Variants in IQSEC1 observed in about 807,000 individuals in gnomAD.
IQSEC1 encodes IQ motif and SEC7 domain-containing protein 1.
In IQSEC1, 31 loss-of-function variants were observed where a neutral mutation model predicts 91.0. The observed-to-expected ratio is 0.34, with a 90% confidence interval of 0.26 to 0.46. The LOEUF (loss-of-function observed/expected upper bound fraction) is 0.46, where lower values mean the gene tolerates loss of function less well. Ranked by LOEUF, IQSEC1 falls within the 20% of genes least tolerant of loss-of-function variation. The pLI is 1.00. For missense variants in IQSEC1, 1,388 were observed against 1,575.6 expected (o/e 0.88, Z 2.02); for synonymous variants, 699 against 662.6 (o/e 1.05, Z -0.84).
At chr3:13,139,179 G>A (rs1706759711) in intron 2 of IQSEC1, among the ~76,000 whole-genome samples, 1 of 152,156 alleles carries the variant, frequency 6.6e-6, no homozygotes, top group Non-Finnish European at 1.5e-5. Context: ...GAAACTCAAG[G>A]GCCTCGTGGG....
intron 1 of IQSEC1, among the ~76,000 whole-genome samples, chr3:13,052,409 C>T (rs1047277739): frequency 1.3e-5 from 2 of 152,208 alleles, no homozygotes; most frequent in Admixed American, 6.5e-5. Context: ...CAGTGCTCCC[C>T]GGCGTGGCTG....
intron 1 of IQSEC1, chr3:13,015,495 G>A: frequency 1.1e-6 from 1 of 911,986 alleles, no homozygotes; most frequent in Non-Finnish European, 1.3e-6. Context: ...CACCACGGCA[G>A]GCTGCCCTGA....
At position 12,967,184 on chromosome 3, in the gene IQSEC1, G is replaced by A. The variant is rs973418368; in HGVS notation, c.24-25319C>T. On this transcript the variant is annotated intron_variant, in intron 1 of 13. Transcript: ENST00000613206. The surrounding 1 kb of genome is among the most constrained non-coding windows in gnomAD (Gnocchi z 5.9). Reference sequence around the variant, plus strand: ...CCAAGGGCGCGTCTCTCTCTCCCACGCACAAACTCGGGTCCTGTTTGCTCT... The same window carrying A: ...CCAAGGGCGCGTCTCTCTCTCCCACACACAAACTCGGGTCCTGTTTGCTCT... 6.6e-6 allele frequency among the ~76,000 whole-genome samples: 1 copy of A among 152,070 alleles called. No homozygotes were observed. The highest frequency in any genetic ancestry group is 6.5e-5 in the Admixed American group (1 of 15,276).
chr3:13,041,388 G>A (rs958660976), intron 1 of IQSEC1, among the ~76,000 whole-genome samples: 7 of 152,096 alleles, frequency 4.6e-5, no homozygotes, highest in African/African-American at 7.2e-5. Flanking sequence ...CTCCGTGCCC[G>A]CCCCCTTTGG....
intron 1 of IQSEC1, among the ~76,000 whole-genome samples, chr3:12,942,250 T>G (rs1013473905): frequency 6.6e-5 from 10 of 152,170 alleles, no homozygotes; most frequent in Admixed American, 3.3e-4. Flanking sequence ...AATTACTGAC[T>G]CAGCGAATTC....
chr3:13,011,273 C>T (rs1311467404), intron 1 of IQSEC1, among the ~76,000 whole-genome samples: 1 of 152,150 alleles, frequency 6.6e-6, no homozygotes, highest in Non-Finnish European at 1.5e-5. Flanking sequence ...TGAACCAAAC[C>T]GTTTCCCATT....
intron 2 of IQSEC1, among the ~76,000 whole-genome samples, chr3:13,097,595 C>T (rs1705987017): frequency 6.6e-6 from 1 of 152,224 alleles, no homozygotes; most frequent in African/African-American, 2.4e-5. Context: ...CTCCCAACTC[C>T]CGCACTCATG....
At chr3:12,982,396 TCA>T (rs1701508980) in intron 1 of IQSEC1, among the ~76,000 whole-genome samples, 1 of 152,220 alleles carries the variant, frequency 6.6e-6, no homozygotes, top group Non-Finnish European at 1.5e-5. Context: ...AGCAAAAGCC[TCA>T]GTCTATCCAC....
intron 2 of IQSEC1, among the ~76,000 whole-genome samples, chr3:13,117,623 A>G (rs1706358231): frequency 7.1e-6 from 1 of 140,186 alleles, no homozygotes; most frequent in South Asian, 2.5e-4. Context: ...GCAGTGGCTG[A>G]TGCCTATAAT....
At chr3:12,906,465 C>T (rs1046638464) in intron 12 of IQSEC1, among the ~76,000 whole-genome samples, 5 of 152,264 alleles carry the variant, frequency 3.3e-5, no homozygotes, top group African/African-American at 7.2e-5. Flanking sequence ...CCTGGGGCCT[C>T]GGCAGCTGCC....
At chr3:13,027,830 T>C (rs1195081703) in intron 1 of IQSEC1, among the ~76,000 whole-genome samples, 1 of 152,182 alleles carries the variant, frequency 6.6e-6, no homozygotes, top group Non-Finnish European at 1.5e-5. Flanking sequence ...GAATAAGGGC[T>C]CTGATTTTTC....
In IQSEC1 at chr3:12,941,846, T is replaced by C; in HGVS notation, c.43A>G (p.Ser15Gly). 6.2e-7 allele frequency: 1 copy of C among 1,603,222 alleles called. No individual in the cohort carries two copies. The highest frequency in any genetic ancestry group is 8.5e-7 in the Non-Finnish European group (1 of 1,175,488). The change falls in exon 2 of 14, where the codon AGC becomes GGC. Residue 15 changes from serine (S) to glycine (G), a missense_variant. Physicochemically the swap from Ser to Gly is moderately conservative, Grantham distance 56 (BLOSUM62 0). Around this residue, in one of 2 missense-constraint regions of IQSEC1, gnomAD observed 1,059 missense variants for 1,317.8 expected, o/e 0.80. Transcript: ENST00000613206. ...TCCAGGGATGTGCCAGTCTCACTGC[T>C]GGGGGCCTCGCCCTCGACGCTGCAG... ...RRYFVEGEAPSSETGTSLDSP... is the reference protein window; with the variant it reads ...RRYFVEGEAPGSETGTSLDSP...
At chr3:13,206,985 C>T (rs1409817803) in intron 1 of IQSEC1, among the ~76,000 whole-genome samples, 1 of 152,094 alleles carries the variant, frequency 6.6e-6, no homozygotes, top group African/African-American at 2.4e-5. Flanking sequence ...CAGCTCCCGG[C>T]ACCTCCCGCC....
chr3:13,107,117 GCA>G (rs1706164050), intron 2 of IQSEC1, among the ~76,000 whole-genome samples: 1 of 152,182 alleles, frequency 6.6e-6, no homozygotes, highest in Non-Finnish European at 1.5e-5. Flanking sequence ...TGTGGAGAAG[GCA>G]CAGAGTGGCT....
At chr3:13,113,085 G>T (rs1025159140) in intron 2 of IQSEC1, among the ~76,000 whole-genome samples, 1 of 152,230 alleles carries the variant, frequency 6.6e-6, no homozygotes, top group African/African-American at 2.4e-5. Flanking sequence ...CATGCCTGGT[G>T]TGGCAGGTGT....
intron 1 of IQSEC1, among the ~76,000 whole-genome samples, chr3:13,253,920 G>T (rs1399650220): frequency 2.0e-5 from 3 of 152,168 alleles, no homozygotes; most frequent in Admixed American, 2.0e-4. Flanking sequence ...ACAGGCCACC[G>T]ATGGAAGCTG....
At chr3:13,187,835 G>A (rs2125028339) in intron 1 of IQSEC1, among the ~76,000 whole-genome samples, 2 of 152,306 alleles carry the variant, frequency 1.3e-5, no homozygotes, top group South Asian at 2.1e-4. Context: ...CTTATGGAGA[G>A]CCACCTGCTC....
chr3:13,220,716 G>A (rs756122006), intron 1 of IQSEC1, among the ~76,000 whole-genome samples: 32 of 152,210 alleles, frequency 2.1e-4, no homozygotes, highest in Non-Finnish European at 3.4e-4. Context: ...GGTGCACGTC[G>A]ACCCTTGCAG....
intron 2 of IQSEC1, among the ~76,000 whole-genome samples, chr3:13,085,815 A>G (rs1462323704): frequency 1.3e-5 from 2 of 152,242 alleles, no homozygotes; most frequent in South Asian, 4.1e-4. Flanking sequence ...TTATCGGCCA[A>G]TGCGAGGCTC....
Sources: gnomAD v4.1 joint callset for allele counts (sites outside exome capture counted in the v4.1 genomes callset) on GRCh38, gnomAD v4.1.1 for gene constraint, gnomAD v4.1.1 regional missense constraint, Gnocchi (gnomAD v3.1) non-coding constraint, MANE v1.5 for transcripts, NCBI Gene and HGNC (gene_info 2026-07-23, HGNC 2026-07-21) for gene names.